FSTL4: variants seen among roughly 807,000 people sequenced by gnomAD.
FSTL4 encodes follistatin-related protein 4.
A neutral mutation model predicts 78.2 loss-of-function variants in FSTL4; 28 were observed. The observed-to-expected ratio is 0.36, with a 90% CI of 0.27 to 0.49. FSTL4 has a LOEUF of 0.49. FSTL4 is among the 20% of genes least tolerant of loss of function. FSTL4 has a pLI of 0.98. For missense variants in FSTL4, 922 were observed against 1,084.9 expected (o/e 0.85, Z 2.11); for synonymous variants, 422 against 440.5 (o/e 0.96, Z 0.53).
chr5:133,705,697 G>A, the FSTL4 span, among the ~76,000 whole-genome samples: 1 of 152,156 alleles, frequency 6.6e-6, no homozygotes, highest in Non-Finnish European at 1.5e-5. Context: ...CAGTACCTGC[G>A]TGAGCAGCAT....
At chr5:133,368,842 A>C (rs1755230638) in intron 4 of FSTL4, among the ~76,000 whole-genome samples, 1 of 152,104 alleles carries the variant, frequency 6.6e-6, no homozygotes, top group South Asian at 2.1e-4. Flanking sequence ...TTGTCCCCCA[A>C]CTGTGGACAT....
At chr5:133,295,378 C>T (rs749522814) in intron 6 of FSTL4, among the ~76,000 whole-genome samples, 3 of 152,172 alleles carry the variant, frequency 2.0e-5, no homozygotes, top group Non-Finnish European at 4.4e-5. Flanking sequence ...GGTTGTACTG[C>T]CTCTTCCTTC....
chr5:133,596,810 G>A (rs1034973749), intron 2 of FSTL4, among the ~76,000 whole-genome samples: 6 of 152,208 alleles, frequency 3.9e-5, no homozygotes, highest in African/African-American at 7.2e-5. Flanking sequence ...CCTCAGCCCC[G>A]CAGGCCACTC....
chr5:133,412,809 T>G (rs921880584), intron 3 of FSTL4, among the ~76,000 whole-genome samples: 9 of 152,142 alleles, frequency 5.9e-5, no homozygotes, highest in African/African-American at 1.9e-4. Context: ...TTGAACTTTA[T>G]ATAAATGAAT....
At chr5:133,271,837 T>G (rs565123723) in intron 6 of FSTL4, among the ~76,000 whole-genome samples, 43 of 152,262 alleles carry the variant, frequency 2.8e-4, no homozygotes, top group African/African-American at 9.4e-4. Context: ...GTTAATCAGT[T>G]TTCTAGGTCA....
At chr5:133,221,077 G>T (rs933464069) in intron 11 of FSTL4, 5 of 658,018 alleles carry the variant, frequency 7.6e-6, no homozygotes, top group African/African-American at 7.1e-5. Flanking sequence ...AATCAGTAAA[G>T]CATGTCACAG....
chr5:133,408,939 A>G (rs1456214370), intron 3 of FSTL4, among the ~76,000 whole-genome samples: 1 of 152,200 alleles, frequency 6.6e-6, no homozygotes, highest in Non-Finnish European at 1.5e-5. Flanking sequence ...TTACTGATTC[A>G]AGTGCATGAA....
the FSTL4 span, among the ~76,000 whole-genome samples, chr5:133,830,238 A>G: frequency 1.3e-5 from 2 of 152,208 alleles, no homozygotes; most frequent in Non-Finnish European, 2.9e-5. Context: ...TGAGATCTGG[A>G]GCTGCCTCAG....
intron 3 of FSTL4, among the ~76,000 whole-genome samples, chr5:133,414,095 G>T (rs1169890719): frequency 1.3e-5 from 2 of 152,010 alleles, no homozygotes; most frequent in Non-Finnish European, 2.9e-5. Flanking sequence ...ATATAGTTTG[G>T]ATATAGGCTC....
chr5:133,681,015 G>T, the FSTL4 span, among the ~76,000 whole-genome samples: 4 of 152,220 alleles, frequency 2.6e-5, no homozygotes, highest in Non-Finnish European at 5.9e-5. Context: ...CTCAGGCCTG[G>T]ATGTCTGAAG....
At chr5:133,309,871 C>T (rs1753739281) in intron 6 of FSTL4, among the ~76,000 whole-genome samples, 2 of 152,326 alleles carry the variant, frequency 1.3e-5, no homozygotes, top group Non-Finnish European at 2.9e-5. Flanking sequence ...ATGCTAATGC[C>T]TCAACCTCTG....
chr5:133,315,167 G>C (rs2126890721), intron 5 of FSTL4, among the ~76,000 whole-genome samples: 1 of 152,222 alleles, frequency 6.6e-6, no homozygotes, highest in Non-Finnish European at 1.5e-5. Context: ...GTCTAAAAAA[G>C]AAACATACCA....
At chr5:133,468,191 G>T (rs1471198252) in intron 3 of FSTL4, among the ~76,000 whole-genome samples, 2 of 152,200 alleles carry the variant, frequency 1.3e-5, no homozygotes, top group Non-Finnish European at 2.9e-5. Context: ...AGGCAGGCAG[G>T]GGGAGGCCTG....
chr5:133,798,050 G>A, the FSTL4 span, among the ~76,000 whole-genome samples: 4 of 152,152 alleles, frequency 2.6e-5, no homozygotes, highest in African/African-American at 9.7e-5. Context: ...CAAGAGTCCA[G>A]CAACACCTAT....
the FSTL4 span, among the ~76,000 whole-genome samples, chr5:133,746,043 C>T: frequency 6.6e-6 from 1 of 152,114 alleles, no homozygotes; most frequent in Non-Finnish European, 1.5e-5. Flanking sequence ...GAAATGAATG[C>T]TAATAAATTA....
At position 133,491,918 on chromosome 5, in the gene FSTL4, A is replaced by G. The variant is rs112315760; in HGVS notation, c.160+75268T>C. Among the ~76,000 whole-genome samples the G allele has an allele frequency of 2.8e-3, 429 of 152,126 alleles. 4 individuals are homozygous for G. Among genetic ancestry groups the G allele is most frequent in the African/African-American group, 9.8e-3 (405 of 41,462 alleles). On this transcript the variant is annotated intron_variant, in intron 3 of 15. Coordinates refer to ENST00000265342, the MANE Select transcript of FSTL4 (RefSeq NM_015082.2). Reference sequence around the variant, plus strand: ...CCAACTTAATTTGAGTATTTATTTAATATTATTTTTATTGCTATATATTAT... The same window carrying G: ...CCAACTTAATTTGAGTATTTATTTAGTATTATTTTTATTGCTATATATTAT...
chr5:133,716,478 C>T, the FSTL4 span, among the ~76,000 whole-genome samples: 1 of 151,724 alleles, frequency 6.6e-6, no homozygotes. Flanking sequence ...CATTTCATAC[C>T]CCTCCTTAAC....
At chr5:133,815,098 A>G in the FSTL4 span, among the ~76,000 whole-genome samples, 13 of 152,310 alleles carry the variant, frequency 8.5e-5, no homozygotes, top group South Asian at 2.7e-3. Flanking sequence ...CCACCACTCT[A>G]GGATAAGACC....
chr5:133,763,010 C>T, the FSTL4 span, among the ~76,000 whole-genome samples: 122 of 152,322 alleles, frequency 8.0e-4, 3 homozygotes, highest in African/African-American at 2.7e-3. Flanking sequence ...CTCTTCCTAA[C>T]AGTTCTGTCT....
Sources: allele counts gnomAD v4.1 joint callset (sites outside exome capture counted in the v4.1 genomes callset), GRCh38; gene constraint gnomAD v4.1.1; transcripts MANE v1.5; gene names NCBI Gene and HGNC (gene_info 2026-07-23, HGNC 2026-07-21).